The following YWHAG variants were observed in gnomAD, a reference collection of about 807,000 sequenced individuals.
YWHAG encodes 14-3-3 protein gamma.
In YWHAG, 1 loss-of-function variant was observed where a neutral mutation model predicts 23.3. The observed-to-expected ratio is 0.04, with a 90% confidence interval of 0.02 to 0.20. YWHAG has a LOEUF of 0.20. Ranked by LOEUF, YWHAG falls within the 10% of genes least tolerant of loss-of-function variation. The probability of loss-of-function intolerance (pLI) is 1.00; values close to 1 mark genes in which losing one functional copy is unlikely to be tolerated. For synonymous variants in YWHAG, 160 were observed against 144.0 expected, an observed-to-expected ratio of 1.11 and a Z score of -0.80; for missense variants, 151 against 338.6, an observed-to-expected ratio of 0.45 and a Z score of 4.35.
chr7:76,356,581 T>C (rs1319789861), intron 1 of YWHAG, among the ~76,000 whole-genome samples: 1 of 152,206 alleles, frequency 6.6e-6, no homozygotes, highest in African/African-American at 2.4e-5. Flanking sequence ...TAAACACAAG[T>C]ATACATCCCA....
chr7:76,358,835 A>G lies in YWHAG; in HGVS notation c.-27T>C, dbSNP rs1289338063. On this transcript the variant is annotated 5_prime_UTR_variant, in exon 1 of 2. Transcript: ENST00000307630. Reference sequence around the variant, plus strand: ...TTCGCGGGGCTGGGTCTGGCCGGAGAAGGAGGAGGACACTGGGGCGGCCTG... The same window carrying G: ...TTCGCGGGGCTGGGTCTGGCCGGAGGAGGAGGAGGACACTGGGGCGGCCTG... 2.4e-5 allele frequency: 38 copies of G among 1,579,862 alleles called. No individual in the cohort carries two copies. Among genetic ancestry groups the G allele is most frequent in the Non-Finnish European group, 4.3e-6 (5 of 1,164,010 alleles).
chr7:76,350,363 G>A (rs570196441), intron 1 of YWHAG, among the ~76,000 whole-genome samples: 2 of 152,152 alleles, frequency 1.3e-5, no homozygotes, highest in Non-Finnish European at 2.9e-5. Context: ...TACTAGTGAG[G>A]ACCTTAAACA....
rs1456466696 is a variant in YWHAG, at chr7:76,358,852, G to C, written c.-44C>G. The C allele has an allele frequency of 6.4e-7, 1 of 1,563,336 alleles. No individual in the cohort carries two copies. Among genetic ancestry groups the C allele is most frequent in the Non-Finnish European group, 8.7e-7 (1 of 1,153,570 alleles). On this transcript the variant is annotated 5_prime_UTR_variant, in exon 1 of 2. Coordinates refer to ENST00000307630, the MANE Select transcript of YWHAG (RefSeq NM_012479.4). ...GGCCGGAGAAGGAGGAGGACACTGG[G>C]GCGGCCTGAAGGGCTTGGAGGGCGC...
chr7:76,333,156 G>A (rs1340371314), intron 1 of YWHAG, among the ~76,000 whole-genome samples: 2 of 152,072 alleles, frequency 1.3e-5, no homozygotes, highest in Non-Finnish European at 2.9e-5. Flanking sequence ...TTTCTGTAGA[G>A]ACAAGGTCTT....
At chr7:76,347,788 ATC>A (rs1803805122) in intron 1 of YWHAG, among the ~76,000 whole-genome samples, 1 of 152,184 alleles carries the variant, frequency 6.6e-6, no homozygotes, top group Non-Finnish European at 1.5e-5. Flanking sequence ...TTCCTCCCAG[ATC>A]TGTTTCTTTT....
chr7:76,347,191 G>A (rs1803791270), intron 1 of YWHAG, among the ~76,000 whole-genome samples: 1 of 152,194 alleles, frequency 6.6e-6, no homozygotes. Context: ...CCCCACAGAT[G>A]TTCAACAGGA....
In YWHAG at chr7:76,354,571, T is replaced by A. The variant is rs1250604466; in HGVS notation, c.87+4151A>T. On this transcript the variant is annotated intron_variant, in intron 1 of 1. Coordinates refer to ENST00000307630, the MANE Select transcript of YWHAG (RefSeq NM_012479.4). The stretch of plus-strand genomic sequence containing the variant: ...AATAAAATAAGGTTAGGACTGCTGA[T>A]ATTGGGAATGGGCAAAGAAGGGAAA... Among the ~76,000 whole-genome samples the A allele has an allele frequency of 2.0e-5, 3 of 152,300 alleles. No homozygotes were observed. The South Asian group carries it at 6.2e-4, about 32-fold the overall frequency.
rs552411380 is a variant in YWHAG, at chr7:76,345,160, A to G, written c.87+13562T>C. ...CACCTCTTCTTCATAGAGGAACGTG[A>G]CCATTAGTTAAGCCTATCCTAAGGC... is the stretch of plus-strand genomic sequence containing the variant. On this transcript the variant is annotated intron_variant, in intron 1 of 1. Transcript: ENST00000307630. 3.2e-4 allele frequency among the ~76,000 whole-genome samples: 48 copies of G among 149,212 alleles called. No homozygotes were observed. The Middle Eastern group carries it at 0.011, about 34-fold the overall frequency.
At chr7:76,340,994 C>T (rs901714447) in intron 1 of YWHAG, among the ~76,000 whole-genome samples, 1 of 152,232 alleles carries the variant, frequency 6.6e-6, no homozygotes, top group African/African-American at 2.4e-5. Context: ...TGAGCCTAGC[C>T]TCCCAAGTAG....
chr7:76,331,586 T>C (rs1803543179), intron 1 of YWHAG, among the ~76,000 whole-genome samples: 6 of 151,564 alleles, frequency 4.0e-5, no homozygotes, highest in Admixed American at 4.0e-4. Context: ...CTATTGTTAG[T>C]GTTAGTGTAT....
intron 1 of YWHAG, among the ~76,000 whole-genome samples, chr7:76,351,307 C>T (rs1271715610): frequency 1.3e-5 from 2 of 152,204 alleles, no homozygotes; most frequent in Admixed American, 6.5e-5. Context: ...CTTGTCCCCA[C>T]TAGCTTTCCT....
In YWHAG at chr7:76,341,226, CTAACTAAAAA is replaced by C. The variant is rs1327445115; in HGVS notation, c.88-11003_88-10994del. On this transcript the variant is annotated intron_variant, in intron 1 of 1. Coordinates refer to ENST00000307630, the MANE Select transcript of YWHAG (RefSeq NM_012479.4). ...TGGGCAACATGGTGAAACCCCATCT[CTAACTAAAAA>C]TAACTAAAAATACAAAAATGAGCCG... 7.2e-5 allele frequency among the ~76,000 whole-genome samples: 11 copies of C among 152,022 alleles called. No homozygotes were observed. In the South Asian group the frequency reaches 8.3e-4, roughly 11 times the overall value.
Position 76,329,489 on chromosome 7 carries a change from T to TTCCC in YWHAG, c.*87_*88insGGGA. ...TCCCTGGGAAGGTCATCCCTCCCTT[T>TTCCC]CCCTCCCCCACCCGACCCCCAACTC... On this transcript the variant is annotated 3_prime_UTR_variant, in exon 2 of 2. Coordinates refer to ENST00000307630, the MANE Select transcript of YWHAG (RefSeq NM_012479.4). The surrounding 1 kb of genome is among the most constrained non-coding windows in gnomAD (Gnocchi z 6.1). 5.3e-5 allele frequency: 54 copies of TTCCC among 1,024,222 alleles called. No individual in the cohort carries two copies. Among genetic ancestry groups the TTCCC allele is most frequent in the East Asian group, 7.0e-5 (2 of 28,686 alleles). The allele number at this position is 1,024,222 out of a possible 1,614,324, so 63.4% of individuals were successfully genotyped here.
At chr7:76,340,879 C>T (rs138137926) in intron 1 of YWHAG, among the ~76,000 whole-genome samples, 3 of 152,154 alleles carry the variant, frequency 2.0e-5, no homozygotes, top group Non-Finnish European at 4.4e-5. Flanking sequence ...TAAGTCCATA[C>T]AAAATTCTTT....
chr7:76,358,150 A>G (rs573026336), intron 1 of YWHAG, among the ~76,000 whole-genome samples: 1 of 152,252 alleles, frequency 6.6e-6, no homozygotes, highest in Non-Finnish European at 1.5e-5. Flanking sequence ...ATTTTGCACC[A>G]CGGAGCTCAG....
At position 76,334,282 on chromosome 7, in the gene YWHAG, C is replaced by A. The variant is rs553793800; in HGVS notation, c.88-4049G>T. 7.2e-5 allele frequency among the ~76,000 whole-genome samples: 11 copies of A among 152,198 alleles called. No individual in the cohort carries two copies. The East Asian group carries it at 2.1e-3, about 29-fold the overall frequency. ...ATTAGTTTTAAAGGTCAACAGATAA[C>A]CTCTTAAAAGAACAAGTTATTCTAA... On this transcript the variant is annotated intron_variant, in intron 1 of 1. Coordinates refer to ENST00000307630, the MANE Select transcript of YWHAG (RefSeq NM_012479.4).
In YWHAG at chr7:76,327,469, C is replaced by T. The variant is rs1462202874; in HGVS notation, c.*2108G>A. The T allele has an allele frequency of 2.6e-5, 4 of 152,564 alleles. No homozygotes were observed. Among genetic ancestry groups the T allele is most frequent in the Non-Finnish European group, 4.4e-5 (3 of 68,024 alleles). The allele number at this position is 152,564 out of a possible 1,614,324, so 9.5% of individuals were successfully genotyped here. A position where few individuals can be genotyped will look rare whatever the true frequency, so the allele number is the denominator to read the frequency against. The stretch of plus-strand genomic sequence containing the variant: ...CATTCAAGCTGCTTAAATATCAAGT[C>T]TCCCATTCCCTCTCCGTTTTCAGCC... On this transcript the variant is annotated 3_prime_UTR_variant, in exon 2 of 2. Coordinates refer to ENST00000307630, the MANE Select transcript of YWHAG (RefSeq NM_012479.4).
chr7:76,358,041 A>G (rs528541850), intron 1 of YWHAG, among the ~76,000 whole-genome samples: 1 of 152,356 alleles, frequency 6.6e-6, no homozygotes, highest in South Asian at 2.1e-4. Flanking sequence ...AACGCTAGCG[A>G]GACAAACGTT....
At position 76,333,597 on chromosome 7, in the gene YWHAG, T is replaced by TA. The variant is rs139127624; in HGVS notation, c.88-3365dup. 5.4e-4 allele frequency among the ~76,000 whole-genome samples: 82 copies of TA among 152,316 alleles called. 1 individual carries two copies. The highest frequency in any genetic ancestry group is 1.9e-3 in the African/African-American group (80 of 41,570). On this transcript the variant is annotated intron_variant, in intron 1 of 1. Transcript: ENST00000307630. Reference sequence around the variant, plus strand: ...TCTCTATATTAAGCGGAAACTGCCTTAGCTGCCTCACATCGCTTCCTTTCC... The same window carrying TA: ...TCTCTATATTAAGCGGAAACTGCCTTAAGCTGCCTCACATCGCTTCCTTTCC...
Sources: allele counts gnomAD v4.1 joint callset (sites outside exome capture counted in the v4.1 genomes callset), GRCh38; gene constraint gnomAD v4.1.1; non-coding constraint Gnocchi (gnomAD v3.1); transcripts MANE v1.5; gene names NCBI Gene and HGNC (gene_info 2026-07-23, HGNC 2026-07-21).